ARNT2: variants seen among roughly 807,000 people sequenced by gnomAD.
The protein encoded by ARNT2 is aryl hydrocarbon receptor nuclear translocator 2, also known as ARNT protein 2.
ARNT2 carries 36 observed loss-of-function variants against 91.7 expected under a neutral mutation model. That is an observed-to-expected ratio of 0.39 (90% CI 0.30 to 0.52). The LOEUF (loss-of-function observed/expected upper bound fraction) is 0.52. Among genes scored for constraint, ARNT2 ranks in the 20% least tolerant of loss-of-function variants. The pLI is 0.72. For missense variants in ARNT2, 775 were observed against 939.3 expected (o/e 0.83, Z 2.29); for synonymous variants, 365 against 347.1 (o/e 1.05, Z -0.57).
At chr15:80,433,191 T>A (rs16972107) in intron 1 of ARNT2, among the ~76,000 whole-genome samples, 5,159 of 90,644 alleles carry the variant, frequency 0.057, 293 homozygotes, top group African/African-American at 0.14. Flanking sequence ...ACAGCGGGTA[T>A]GCCCACATTT....
At chr15:80,519,173 G>C (rs2141432121) in intron 8 of ARNT2, among the ~76,000 whole-genome samples, 1 of 152,300 alleles carries the variant, frequency 6.6e-6, no homozygotes, top group African/African-American at 2.4e-5. Flanking sequence ...CAGTGAAAAT[G>C]ACCACGGCAA....
At chr15:80,504,397 G>A (rs1897242498) in intron 5 of ARNT2, among the ~76,000 whole-genome samples, 2 of 152,170 alleles carry the variant, frequency 1.3e-5, no homozygotes, top group Non-Finnish European at 2.9e-5. Context: ...TTACATTAGT[G>A]TCTCTCACAT....
chr15:80,495,908 T>C (rs561115390), intron 5 of ARNT2, among the ~76,000 whole-genome samples: 1 of 152,372 alleles, frequency 6.6e-6, no homozygotes, highest in African/African-American at 2.4e-5. Flanking sequence ...GAGGAAGCTT[T>C]CCCTGACCCA....
At chr15:80,554,059 G>A (rs1204879038) in intron 10 of ARNT2, among the ~76,000 whole-genome samples, 2 of 152,190 alleles carry the variant, frequency 1.3e-5, no homozygotes, top group Non-Finnish European at 2.9e-5. Flanking sequence ...CATTCACTTA[G>A]ACCATTTGCT....
chr15:80,448,827 CA>C (rs1396769527), intron 1 of ARNT2, among the ~76,000 whole-genome samples: 1 of 151,660 alleles, frequency 6.6e-6, no homozygotes, highest in African/African-American at 2.4e-5. Context: ...ACTAAAAATA[CA>C]AAAAAAATTA....
chr15:80,535,480 T>C (rs1205331147), intron 8 of ARNT2, among the ~76,000 whole-genome samples: 2 of 152,226 alleles, frequency 1.3e-5, no homozygotes, highest in African/African-American at 4.8e-5. Flanking sequence ...TATTTTAAAT[T>C]AGATTTTCTT....
At chr15:80,461,235 A>G (rs1337569647) in intron 3 of ARNT2, among the ~76,000 whole-genome samples, 1 of 152,226 alleles carries the variant, frequency 6.6e-6, no homozygotes, top group East Asian at 1.9e-4. Flanking sequence ...CCCTCCAGCA[A>G]TACCCAACGG....
At chr15:80,453,966 A>G (rs565563266) in intron 2 of ARNT2, among the ~76,000 whole-genome samples, 2 of 152,266 alleles carry the variant, frequency 1.3e-5, no homozygotes, top group South Asian at 2.1e-4. Flanking sequence ...TCCAAAGCCA[A>G]TTAGAACCAA....
At chr15:80,451,458 G>GCATTGA (rs1467701672) in intron 2 of ARNT2, among the ~76,000 whole-genome samples, 2 of 152,224 alleles carry the variant, frequency 1.3e-5, no homozygotes, top group African/African-American at 4.8e-5. Context: ...CAGACAGTTG[G>GCATTGA]CATTGTCTGC....
chr15:80,480,915 G>A (rs1461627506), intron 5 of ARNT2, among the ~76,000 whole-genome samples: 2 of 152,132 alleles, frequency 1.3e-5, no homozygotes, highest in Non-Finnish European at 1.5e-5. Flanking sequence ...GCTGTAGAAA[G>A]GTTATGTGGG....
chr15:80,439,884 C>G (rs1407145145), intron 1 of ARNT2, among the ~76,000 whole-genome samples: 2 of 152,236 alleles, frequency 1.3e-5, no homozygotes, highest in Non-Finnish European at 2.9e-5. Flanking sequence ...CTAGCAGGTC[C>G]TCCTCAGTGA....
At chr15:80,586,315 C>G (rs946944713) in intron 17 of ARNT2, among the ~76,000 whole-genome samples, 8 of 152,110 alleles carry the variant, frequency 5.3e-5, no homozygotes, top group Admixed American at 3.3e-4. Context: ...AACAGCATGT[C>G]CATAGCTCCT....
At chr15:80,408,913 G>C (rs923609396) in intron 1 of ARNT2, among the ~76,000 whole-genome samples, 2 of 151,818 alleles carry the variant, frequency 1.3e-5, no homozygotes, top group Non-Finnish European at 2.9e-5. Context: ...ATTTTTAAAG[G>C]CTCCTTTTTT....
At chr15:80,408,005 T>C (rs1895625509) in intron 1 of ARNT2, among the ~76,000 whole-genome samples, 1 of 152,216 alleles carries the variant, frequency 6.6e-6, no homozygotes, top group African/African-American at 2.4e-5. Context: ...AAGGCTCATA[T>C]GTTTTAAAGG....
chr15:80,515,024 G>C (rs1360670493), intron 8 of ARNT2, among the ~76,000 whole-genome samples: 3 of 152,220 alleles, frequency 2.0e-5, no homozygotes, highest in African/African-American at 7.2e-5. Flanking sequence ...GAAATGATGA[G>C]TGTATCTAAA....
At chr15:80,519,915 G>A (rs1288932110) in intron 8 of ARNT2, among the ~76,000 whole-genome samples, 1 of 144,618 alleles carries the variant, frequency 6.9e-6, no homozygotes, top group African/African-American at 2.6e-5. Context: ...AGCCAGGATG[G>A]TCTTGATCTC....
At chr15:80,500,660 AG>A (rs1183141462) in intron 5 of ARNT2, among the ~76,000 whole-genome samples, 1 of 152,244 alleles carries the variant, frequency 6.6e-6, no homozygotes, top group Non-Finnish European at 1.5e-5. Flanking sequence ...CCATCAAAAA[AG>A]ATGCTCTTTT....
intron 17 of ARNT2, among the ~76,000 whole-genome samples, chr15:80,587,229 G>C (rs1893188722): frequency 6.6e-6 from 1 of 151,952 alleles, no homozygotes; most frequent in Non-Finnish European, 1.5e-5. Context: ...TATCCAGCAG[G>C]GTTTCTCAGT....
chr15:80,526,994 A>G (rs1288966529), intron 8 of ARNT2, among the ~76,000 whole-genome samples: 2 of 152,152 alleles, frequency 1.3e-5, no homozygotes, highest in Non-Finnish European at 2.9e-5. Flanking sequence ...CACCCTGCCC[A>G]TGTGGCATGA....
Sources: allele counts gnomAD v4.1 joint callset (sites outside exome capture counted in the v4.1 genomes callset), GRCh38; gene constraint gnomAD v4.1.1; transcripts MANE v1.5; gene names NCBI Gene and HGNC (gene_info 2026-07-23, HGNC 2026-07-21).